The following BAIAP2 variants were observed in gnomAD, a reference collection of about 807,000 sequenced individuals.
BAIAP2 encodes BAR/IMD domain containing adaptor protein 2, also known as BAR/IMD domain-containing adapter protein 2.
Under a neutral mutation model 63.0 loss-of-function variants are expected in BAIAP2, and 18 were observed. The observed-to-expected ratio is 0.29, with a 90% CI of 0.20 to 0.42. The LOEUF is 0.42. Ranked by LOEUF, BAIAP2 falls within the 10% of genes least tolerant of loss-of-function variation. BAIAP2 has a pLI of 1.00. For missense variants in BAIAP2, 610 were observed against 734.3 expected (o/e 0.83, Z 1.96); for synonymous variants, 386 against 307.6 (o/e 1.25, Z -2.67).
In BAIAP2 at chr17:81,084,845, C is replaced by T. The variant is rs900046945; in HGVS notation, c.231C>T (p.Phe77=). The T allele has an allele frequency of 3.1e-6, 5 of 1,613,736 alleles. No individual in the cohort carries two copies. In the Admixed American group the frequency reaches 6.7e-5, roughly 22 times the overall value. ...TCTGCTTCCCAGGAGACGTTCTCTTCCAGATGGCTGAAGTCCACAGGCAGA... is the reference window on the plus strand; with the variant it reads ...TCTGCTTCCCAGGAGACGTTCTCTTTCAGATGGCTGAAGTCCACAGGCAGA... ...QGSKELGDVL[F]QMAEVHRQIQ... The change falls in exon 4 of 14, where the codon TTC becomes TTT. Residue 77 remains phenylalanine, a synonymous_variant. Transcript: ENST00000428708.
chr17:81,047,967 T>G (rs1468046683), intron 1 of BAIAP2, among the ~76,000 whole-genome samples: 1 of 152,196 alleles, frequency 6.6e-6, no homozygotes, highest in East Asian at 1.9e-4. Flanking sequence ...GCATCTGCCT[T>G]GAGGGGCTGG....
intron 1 of BAIAP2, among the ~76,000 whole-genome samples, chr17:81,050,728 TGTGC>T (rs1378696302): frequency 1.7e-4 from 3 of 17,420 alleles, no homozygotes; most frequent in Non-Finnish European, 4.2e-4. Flanking sequence ...CGCACACAAA[TGTGC>T]ACATGCACAC....
intron 3 of BAIAP2, chr17:81,083,062 C>T (rs932269088): frequency 6.6e-6 from 1 of 152,430 alleles, no homozygotes; most frequent in African/African-American, 2.4e-5. Context: ...CCCGGAGAGG[C>T]TTCCTCTGCC....
intron 1 of BAIAP2, among the ~76,000 whole-genome samples, chr17:81,052,343 C>A (rs151317054): frequency 3.0e-4 from 45 of 152,378 alleles, no homozygotes; most frequent in Admixed American, 1.4e-3. Context: ...CAGGGCTTTG[C>A]GGCTGGGTCG....
chr17:81,090,906 A>G (rs553034575), intron 6 of BAIAP2, among the ~76,000 whole-genome samples: 2 of 152,136 alleles, frequency 1.3e-5, no homozygotes, highest in African/African-American at 4.8e-5. Context: ...TGGGACTTCT[A>G]CTTTAGGGTG....
At chr17:81,109,187 C>G (rs373932485) in intron 13 of BAIAP2, 2 of 1,407,598 alleles carry the variant, frequency 1.4e-6, no homozygotes, top group African/African-American at 1.5e-5. Context: ...CTCCATCCGC[C>G]CCCCCTCCCC....
intron 6 of BAIAP2, among the ~76,000 whole-genome samples, chr17:81,088,473 A>G (rs2056111359): frequency 1.3e-5 from 2 of 152,048 alleles, no homozygotes; most frequent in African/African-American, 4.8e-5. Context: ...TGTGTCCATC[A>G]CTCAGTCCGT....
intron 3 of BAIAP2, among the ~76,000 whole-genome samples, chr17:81,065,636 A>G (rs1275158977): frequency 6.6e-6 from 1 of 152,140 alleles, no homozygotes; most frequent in Non-Finnish European, 1.5e-5. Context: ...ACAGCTGCCT[A>G]TGGCCCAGGC....
rs905847962 is a variant in BAIAP2, at chr17:81,068,374, C to CT, written c.217+10408dup. 3.1e-4 allele frequency among the ~76,000 whole-genome samples: 47 copies of CT among 152,238 alleles called. 1 individual carries two copies. The highest frequency in any genetic ancestry group is 4.4e-5 in the Non-Finnish European group (3 of 68,026). The stretch of plus-strand genomic sequence containing the variant: ...CGGGCACGCGTGAGGAACTGGAGGT[C>CT]TGAATGGCTTCTGTCCCCTGCAGAG... On this transcript the variant is annotated intron_variant, in intron 3 of 13. Coordinates refer to ENST00000428708, the MANE Select transcript of BAIAP2 (RefSeq NM_001144888.2).
chr17:81,056,056 A>G (rs1329993528), intron 2 of BAIAP2, among the ~76,000 whole-genome samples: 1 of 152,178 alleles, frequency 6.6e-6, no homozygotes, highest in African/African-American at 2.4e-5. Context: ...GTTGTTGGGC[A>G]GCTTCATGGG....
In BAIAP2 at chr17:81,104,171, C is replaced by T. The variant is rs150419871; in HGVS notation, c.1066+63C>T. 2,206 of 1,554,226 alleles carry T rather than the reference C, an allele frequency of 1.4e-3. 46 individuals are homozygous for T. The East Asian group carries it at 0.042, about 30-fold the overall frequency. On this transcript the variant is annotated intron_variant, in intron 9 of 13. Transcript: ENST00000428708. ...GACGTGCCTCCTCAGACCCTACAGTCATGCCACAACCCTCAATAGGGGCCT... is the reference window on the plus strand; with the variant it reads ...GACGTGCCTCCTCAGACCCTACAGTTATGCCACAACCCTCAATAGGGGCCT...
chr17:81,052,131 G>C lies in BAIAP2; in HGVS notation c.55-1537G>C, dbSNP rs531484820. Among the ~76,000 whole-genome samples, 3 of 152,174 alleles carry C rather than the reference G, an allele frequency of 2.0e-5. No homozygotes were observed. In the East Asian group the frequency reaches 5.8e-4, roughly 29 times the overall value. On this transcript the variant is annotated intron_variant, in intron 1 of 13. Transcript: ENST00000428708. ...TCCCCTGGGCCCCTTCCACCCTCAC[G>C]CCGGGTCCTGCTTTCCCAGGAACTC...
chr17:81,086,764 G>C (rs769562078), intron 6 of BAIAP2, among the ~76,000 whole-genome samples, 184 bp downstream of exon 6: 1 of 152,204 alleles, frequency 6.6e-6, no homozygotes, highest in African/African-American at 2.4e-5. Flanking sequence ...TGGGATGGTC[G>C]GCTCACCTGT....
intron 7 of BAIAP2, among the ~76,000 whole-genome samples, chr17:81,103,150 G>A (rs769557428): frequency 6.6e-6 from 1 of 152,200 alleles, no homozygotes; most frequent in Non-Finnish European, 1.5e-5. Context: ...CATCTGGGGC[G>A]CCTTCCTGGC....
chr17:81,106,172 TA>T, intron 11 of BAIAP2, 26 bp downstream of exon 11: 3 of 1,562,092 alleles, frequency 1.9e-6, no homozygotes, highest in Non-Finnish European at 2.6e-6. Context: ...AACGGGAGTG[TA>T]AGATCCCCAG....
intron 6 of BAIAP2, among the ~76,000 whole-genome samples, chr17:81,094,264 G>A (rs2057288012): frequency 6.6e-6 from 1 of 152,202 alleles, no homozygotes; most frequent in Non-Finnish European, 1.5e-5. Flanking sequence ...TAGCCCACTG[G>A]TGTGGACAGA....
Position 81,116,043 on chromosome 17 carries a change from G to C in BAIAP2, c.*204G>C, listed in dbSNP as rs1349361065. ...TGGGGCGCAGGCCCCTGAAGGGCGA[G>C]ACCCAGTGGCTGGGCTGCCCAGGGC... On this transcript the variant is annotated 3_prime_UTR_variant, in exon 14 of 14. Coordinates refer to ENST00000428708, the MANE Select transcript of BAIAP2 (RefSeq NM_001144888.2). 6.8e-7 allele frequency: 1 copy of C among 1,460,030 alleles called. No homozygotes were observed. The highest frequency in any genetic ancestry group is 1.4e-5 in the African/African-American group (1 of 70,770). 90.4% of individuals were successfully genotyped at this position (1,460,030 alleles called of 1,614,324 possible).
At chr17:81,102,952 C>G (rs991048690) in intron 7 of BAIAP2, among the ~76,000 whole-genome samples, 1 of 152,226 alleles carries the variant, frequency 6.6e-6, no homozygotes, top group Non-Finnish European at 1.5e-5. Flanking sequence ...GCTTCCTCCT[C>G]CTTTGTCCCC....
intron 1 of BAIAP2, among the ~76,000 whole-genome samples, chr17:81,038,438 T>A (rs1164513219): frequency 6.6e-6 from 1 of 152,226 alleles, no homozygotes; most frequent in East Asian, 1.9e-4. Context: ...GCCCACAGCC[T>A]GTCCTAGAAT....
Sources: gnomAD v4.1 joint callset for allele counts (sites outside exome capture counted in the v4.1 genomes callset) on GRCh38, gnomAD v4.1.1 for gene constraint, MANE v1.5 for transcripts, NCBI Gene and HGNC (gene_info 2026-07-23, HGNC 2026-07-21) for gene names.